Variants in CREB1 observed in about 807,000 individuals in gnomAD.
The protein encoded by CREB1 is cAMP responsive element binding protein 1.
In CREB1, 2 loss-of-function variants were observed where a neutral mutation model predicts 42.0. The ratio of observed to expected loss-of-function variants is 0.05; its 90% CI spans 0.02 to 0.15. The LOEUF (loss-of-function observed/expected upper bound fraction) is 0.15, where lower values mean the gene tolerates loss of function less well. Among genes scored for constraint, CREB1 ranks in the 10% least tolerant of loss-of-function variants. The pLI is 1.00. For synonymous variants in CREB1, 123 were observed against 139.9 expected, an observed-to-expected ratio of 0.88 and a Z score of 0.85; for missense variants, 199 against 388.9, an observed-to-expected ratio of 0.51 and a Z score of 4.11.
chr2:207,536,782 G>C (rs1049200591), intron 1 of CREB1, among the ~76,000 whole-genome samples: 20 of 151,862 alleles, frequency 1.3e-4, no homozygotes, highest in African/African-American at 4.8e-4. Context: ...TTGAGGCCAG[G>C]AGTTTGAGAC....
chr2:207,596,761 C>G (rs1398262516), intron 7 of CREB1, among the ~76,000 whole-genome samples, 153 bp from the exon 8 acceptor site: 1 of 151,962 alleles, frequency 6.6e-6, no homozygotes, highest in Non-Finnish European at 1.5e-5. Context: ...AAGGTAATTT[C>G]CAAGTAATTC....
intron 2 of CREB1, among the ~76,000 whole-genome samples, chr2:207,558,907 T>C (rs2081845828): frequency 6.6e-6 from 1 of 152,130 alleles, no homozygotes; most frequent in Non-Finnish European, 1.5e-5. Context: ...CCTCCCAAAG[T>C]GCTGGGATTA....
chr2:207,576,717 T>C, intron 6 of CREB1: 1 of 1,222,448 alleles, frequency 8.2e-7, no homozygotes, highest in South Asian at 1.6e-5. Context: ...TATATAAATC[T>C]TTTCCACTCA....
intron 3 of CREB1, among the ~76,000 whole-genome samples, chr2:207,567,171 C>T (rs1019925293): frequency 1.3e-5 from 2 of 151,742 alleles, no homozygotes; most frequent in East Asian, 3.9e-4. Flanking sequence ...TAGTTTTGTT[C>T]CAACAGATGT....
intron 3 of CREB1, among the ~76,000 whole-genome samples, chr2:207,561,542 T>A (rs1363604154): frequency 6.6e-6 from 1 of 152,208 alleles, no homozygotes; most frequent in Non-Finnish European, 1.5e-5. Flanking sequence ...GGTTCTATTC[T>A]CGGAAACTAG....
At chr2:207,593,719 CTTTTTTTT>C (rs5838079) in intron 7 of CREB1, among the ~76,000 whole-genome samples, 6 of 102,678 alleles carry the variant, frequency 5.8e-5, no homozygotes, top group African/African-American at 2.3e-4. Context: ...TCCTCACAAA[CTTTTTTTT>C]TTTTTTTTTT....
At chr2:207,575,999 TA>T (rs377616905) in intron 6 of CREB1, among the ~76,000 whole-genome samples, 11 of 143,564 alleles carry the variant, frequency 7.7e-5, no homozygotes, top group South Asian at 2.3e-4. Flanking sequence ...TTATTATTAT[TA>T]TTTTTTTCTA....
intron 1 of CREB1, among the ~76,000 whole-genome samples, chr2:207,537,317 C>T (rs922970816): frequency 3.9e-5 from 6 of 152,028 alleles, no homozygotes; most frequent in South Asian, 2.1e-4. Context: ...GGATTACAGG[C>T]GTGAGCCACT....
chr2:207,559,243 G>T, intron 2 of CREB1: 1 of 939,912 alleles, frequency 1.1e-6, no homozygotes, highest in Non-Finnish European at 1.3e-6. Context: ...TTGAAATTCT[G>T]TGACTCTTCC....
At position 207,597,200 on chromosome 2, in the gene CREB1, T is replaced by G; in HGVS notation, c.*142T>G. On this transcript the variant is annotated 3_prime_UTR_variant, in exon 8 of 8. Coordinates refer to ENST00000353267, the MANE Select transcript of CREB1 (RefSeq NM_004379.5). ...GCCTGAAAGCAACTACAGAATTTCA[T>G]TCATTTGTGCTTTTGCATTAAACTG... 1.1e-6 allele frequency: 1 copy of G among 887,498 alleles called. No homozygotes were observed. The highest frequency in any genetic ancestry group is 1.8e-5 in the African/African-American group (1 of 56,500). 55.0% of individuals were successfully genotyped at this position (887,498 alleles called of 1,614,324 possible). A position where few individuals can be genotyped will look rare whatever the true frequency, so the allele number is the denominator to read the frequency against.
At chr2:207,568,863 A>G (rs565265430) in intron 4 of CREB1, among the ~76,000 whole-genome samples, 1 of 152,082 alleles carries the variant, frequency 6.6e-6, no homozygotes, top group Non-Finnish European at 1.5e-5. Context: ...TAAGTGAAAC[A>G]TTTAACACTG....
intron 1 of CREB1, among the ~76,000 whole-genome samples, chr2:207,536,644 A>G (rs765038138): frequency 6.6e-5 from 10 of 152,190 alleles, no homozygotes; most frequent in Non-Finnish European, 1.3e-4. Flanking sequence ...CAAAGTTTTT[A>G]ATGTAAGAAT....
chr2:207,555,383 G>C (rs939846583), intron 1 of CREB1, among the ~76,000 whole-genome samples: 1 of 152,116 alleles, frequency 6.6e-6, no homozygotes, highest in African/African-American at 2.4e-5. Flanking sequence ...ATATCCCATT[G>C]GGAAGAAACA....
At chr2:207,581,969 G>A (rs754299852) in intron 7 of CREB1, 1 of 701,774 alleles carries the variant, frequency 1.4e-6, no homozygotes, top group African/African-American at 1.8e-5. Context: ...TGAGATAATA[G>A]GTTTTGGGGA....
intron 1 of CREB1, among the ~76,000 whole-genome samples, chr2:207,532,544 GT>G (rs2080688942): frequency 6.6e-6 from 1 of 151,100 alleles, no homozygotes; most frequent in African/African-American, 2.4e-5. Context: ...GTCGTGGCGC[GT>G]GCTTGTAATC....
intron 2 of CREB1, among the ~76,000 whole-genome samples, chr2:207,557,071 G>A (rs1010688417): frequency 6.6e-6 from 1 of 152,150 alleles, no homozygotes; most frequent in African/African-American, 2.4e-5. Context: ...CCGGGAGGCA[G>A]AGGTTGCAGT....
chr2:207,541,775 A>G (rs1235663349), intron 1 of CREB1, among the ~76,000 whole-genome samples: 5 of 152,170 alleles, frequency 3.3e-5, no homozygotes, highest in South Asian at 4.1e-4. Context: ...TTGTGCATCT[A>G]TTACCACCAT....
intron 1 of CREB1, among the ~76,000 whole-genome samples, chr2:207,540,205 A>G (rs761717100): frequency 4.6e-5 from 7 of 152,254 alleles, no homozygotes; most frequent in African/African-American, 7.2e-5. Flanking sequence ...CATTGTTACC[A>G]TAGGAGATGA....
chr2:207,534,881 CCT>C (rs760876709), intron 1 of CREB1, among the ~76,000 whole-genome samples: 1 of 152,146 alleles, frequency 6.6e-6, no homozygotes, highest in Non-Finnish European at 1.5e-5. Flanking sequence ...ACAGTCTCCC[CCT>C]TTTTGTACAA....
Sources: allele counts gnomAD v4.1 joint callset (sites outside exome capture counted in the v4.1 genomes callset), GRCh38; gene constraint gnomAD v4.1.1; transcripts MANE v1.5; gene names NCBI Gene and HGNC (gene_info 2026-07-23, HGNC 2026-07-21).